The following FRMPD4 variants were observed in gnomAD, a reference collection of about 807,000 sequenced individuals.
FRMPD4 encodes FERM and PDZ domain-containing protein 4.
In FRMPD4, 22 loss-of-function variants were observed where a neutral mutation model predicts 94.1. The ratio of observed to expected loss-of-function variants is 0.23; its 90% confidence interval spans 0.17 to 0.33. The LOEUF (loss-of-function observed/expected upper bound fraction) is 0.33, where lower values mean the gene tolerates loss of function less well. Among genes scored for constraint, FRMPD4 ranks in the 10% least tolerant of loss-of-function variants. FRMPD4 has a pLI of 1.00. For missense variants in FRMPD4, 1,111 were observed against 1,339.9 expected, an observed-to-expected ratio of 0.83 and a Z score of 2.67; for synonymous variants, 631 against 548.6, an observed-to-expected ratio of 1.15 and a Z score of -2.10.
chrX:12,472,357 CT>C (rs1201187399), intron 1 of FRMPD4, among the ~76,000 whole-genome samples: 4 of 112,230 alleles, frequency 3.6e-5, no homozygotes, highest in Non-Finnish European at 7.5e-5. Context: ...AGGCAATCAT[CT>C]TGTTCTCCCC....
At chrX:12,185,224 G>A (rs780032095) in intron 1 of FRMPD4, among the ~76,000 whole-genome samples, 3 of 111,556 alleles carry the variant, frequency 2.7e-5, no homozygotes, top group African/African-American at 6.5e-5. Context: ...CCAAATATAC[G>A]TGAAGAAAAA....
intron 1 of FRMPD4, among the ~76,000 whole-genome samples, chrX:12,428,401 A>G (rs752026122): frequency 2.3e-4 from 26 of 111,302 alleles, no homozygotes; most frequent in Admixed American, 3.8e-4. Flanking sequence ...TCTCAACACA[A>G]TTTTCACCAG....
chrX:12,262,060 A>C (rs2054197015), intron 1 of FRMPD4, among the ~76,000 whole-genome samples: 1 of 111,011 alleles, frequency 9.0e-6, no homozygotes, highest in Non-Finnish European at 1.9e-5. Flanking sequence ...TTAATGTAGC[A>C]GTTTGGGGCA....
intron 3 of FRMPD4, among the ~76,000 whole-genome samples, chrX:12,121,501 G>A (rs1426278240): frequency 9.0e-6 from 1 of 111,471 alleles, no homozygotes; most frequent in African/African-American, 3.3e-5. Context: ...GAGTATAATG[G>A]GGATTTGGAA....
chrX:11,883,869 T>A (rs2053828812), intron 3 of FRMPD4, among the ~76,000 whole-genome samples: 1 of 112,245 alleles, frequency 8.9e-6, no homozygotes, highest in African/African-American at 3.2e-5. Flanking sequence ...CACATGCGTT[T>A]TGAAACAATT....
At chrX:11,905,851 CA>C (rs1174674359) in intron 3 of FRMPD4, among the ~76,000 whole-genome samples, 2 of 111,406 alleles carry the variant, frequency 1.8e-5, no homozygotes, top group Non-Finnish European at 3.8e-5. Flanking sequence ...TTATGAAGCA[CA>C]CAGAAAGTTT....
chrX:12,145,786 A>G (rs762992047), intron 1 of FRMPD4, among the ~76,000 whole-genome samples: 1 of 111,561 alleles, frequency 9.0e-6, no homozygotes, highest in Non-Finnish European at 1.9e-5. Context: ...CCAGTACTCA[A>G]ATTTCCCTTT....
intron 3 of FRMPD4, among the ~76,000 whole-genome samples, chrX:12,120,553 G>A (rs773694568): frequency 9.0e-6 from 1 of 111,395 alleles, no homozygotes; most frequent in Admixed American, 9.6e-5. Context: ...TGTAGAAGGT[G>A]TGCTATGCTC....
At chrX:12,490,606 A>G (rs758194259) in intron 1 of FRMPD4, among the ~76,000 whole-genome samples, 3 of 111,768 alleles carry the variant, frequency 2.7e-5, no homozygotes, top group African/African-American at 9.7e-5. Context: ...CAGTCCTTAC[A>G]ACAATTCAAC....
chrX:12,025,740 A>G (rs1286293891), intron 3 of FRMPD4, among the ~76,000 whole-genome samples: 1 of 111,881 alleles, frequency 8.9e-6, no homozygotes, highest in African/African-American at 3.2e-5. Context: ...GCCTTGGGCC[A>G]ACAACCATTT....
Position 12,686,178 on chromosome X carries a change from C to T in FRMPD4, c.655C>T (p.Arg219Cys). ...YLENGQTKSF[R>C]FDCSTSIKDV... is the part of the protein sequence containing the mutation. ...GGAAAATGGGCAGACCAAATCATTT[C>T]GTTTTGACTGCAGCACTTCCATTAA... is the stretch of plus-strand genomic sequence containing the variant. The change falls in exon 7 of 17, where the codon CGT (arginine) becomes TGT (cysteine). Residue 219 changes from arginine (R) to cysteine (C), a missense_variant. Coordinates refer to ENST00000675598, the MANE Select transcript of FRMPD4 (RefSeq NM_001368397.1). The T allele has an allele frequency of 8.7e-7, 1 of 1,155,480 alleles. No homozygotes were observed. Among genetic ancestry groups the T allele is most frequent in the Non-Finnish European group, 1.2e-6 (1 of 845,721 alleles).
intron 1 of FRMPD4, among the ~76,000 whole-genome samples, chrX:12,272,802 G>T (rs2054374126): frequency 8.9e-6 from 1 of 111,868 alleles, no homozygotes; most frequent in Admixed American, 9.5e-5. Flanking sequence ...GCGTGTGGTG[G>T]CTCACACCTG....
At chrX:12,258,691 T>G (rs2054148737) in intron 1 of FRMPD4, among the ~76,000 whole-genome samples, 1 of 111,527 alleles carries the variant, frequency 9.0e-6, no homozygotes, top group Non-Finnish European at 1.9e-5. Flanking sequence ...TTTATCGATA[T>G]GTAATAGTTG....
chrX:12,278,326 G>T (rs4511046), intron 1 of FRMPD4, among the ~76,000 whole-genome samples: 38,450 of 110,782 alleles, frequency 0.35, 5,308 homozygotes, highest in Admixed American at 0.51. Context: ...TTCAGCTGCT[G>T]CTTTTTGTCA....
intron 1 of FRMPD4, among the ~76,000 whole-genome samples, chrX:12,282,092 C>T (rs973671516): frequency 4.4e-5 from 5 of 112,460 alleles, no homozygotes; most frequent in Non-Finnish European, 9.4e-5. Flanking sequence ...TACACTATCC[C>T]TTCATAGTGA....
chrX:12,449,447 A>G (rs2057238881), intron 1 of FRMPD4, among the ~76,000 whole-genome samples: 1 of 112,369 alleles, frequency 8.9e-6, no homozygotes. Context: ...TCAGTAACTG[A>G]AATTGGATTA....
At chrX:12,572,461 A>G (rs1182974794) in intron 2 of FRMPD4, among the ~76,000 whole-genome samples, 1 of 112,750 alleles carries the variant, frequency 8.9e-6, no homozygotes, top group African/African-American at 3.2e-5. Flanking sequence ...AGAAAAAGAC[A>G]TGCTAAAGCT....
chrX:12,522,754 C>CACCAT (rs1406054290), intron 2 of FRMPD4, among the ~76,000 whole-genome samples: 1 of 109,878 alleles, frequency 9.1e-6, no homozygotes, highest in Non-Finnish European at 1.9e-5. Context: ...AGGCACACAC[C>CACCAT]ACCATGCCTG....
At chrX:12,206,783 C>A (rs2056697356) in intron 1 of FRMPD4, among the ~76,000 whole-genome samples, 1 of 111,993 alleles carries the variant, frequency 8.9e-6, no homozygotes, top group Non-Finnish European at 1.9e-5. Context: ...TGACTCCAAC[C>A]CTGATTCTTA....
Sources: allele counts gnomAD v4.1 joint callset (sites outside exome capture counted in the v4.1 genomes callset), GRCh38; gene constraint gnomAD v4.1.1; transcripts MANE v1.5; gene names NCBI Gene and HGNC (gene_info 2026-07-23, HGNC 2026-07-21).